Variants in LRRC37A2 observed in about 807,000 individuals in gnomAD.
LRRC37A2 encodes the protein leucine-rich repeat-containing protein 37A2.
In LRRC37A2, 9 loss-of-function variants were observed where a neutral mutation model predicts 68.8. The observed-to-expected ratio is 0.13, with a 90% CI of 0.08 to 0.23. The LOEUF is 0.23. LRRC37A2 is among the 10% of genes least tolerant of loss of function. LRRC37A2 has a pLI of 1.00. For synonymous variants in LRRC37A2, 63 were observed against 367.6 expected (o/e 0.17, Z 9.48); for missense variants, 168 against 950.4 (o/e 0.18, Z 10.82).
At chr17:46,541,668 G>T (rs2039355787) in intron 8 of LRRC37A2, among the ~76,000 whole-genome samples, 1 of 150,794 alleles carries the variant, frequency 6.6e-6, no homozygotes, top group African/African-American at 2.5e-5. Flanking sequence ...AACCATGGAT[G>T]GGGAATATTT....
chr17:46,905,291 G>C, the LRRC37A2 span, among the ~76,000 whole-genome samples: 1 of 152,058 alleles, frequency 6.6e-6, no homozygotes, highest in Non-Finnish European at 1.5e-5. Context: ...GGCCAGGCTG[G>C]TCTCGAACTC....
At chr17:46,974,451 T>G in the LRRC37A2 span, among the ~76,000 whole-genome samples, 1 of 152,134 alleles carries the variant, frequency 6.6e-6, no homozygotes, top group South Asian at 2.1e-4. Context: ...GGAGGTCATC[T>G]CCGCCGGGCG....
upstream of LRRC37A2, among the ~76,000 whole-genome samples, chr17:46,509,910 GA>G (rs1046984804): frequency 1.1e-3 from 50 of 46,728 alleles, no homozygotes; most frequent in Non-Finnish European, 1.2e-3. Context: ...CTCTCTCGAG[GA>G]AAAAAAAAAA....
At chr17:46,703,698 A>AAAAAAAAAAAAAAAAAAG in the LRRC37A2 span, among the ~76,000 whole-genome samples, 1 of 149,718 alleles carries the variant, frequency 6.7e-6, no homozygotes, top group African/African-American at 2.5e-5. Context: ...AAAAAAAAAA[A>AAAAAAAAAAAAAAAAAAG]AAAAAACAAA....
chr17:46,760,633 C>CA, the LRRC37A2 span, among the ~76,000 whole-genome samples: 1,047 of 60,822 alleles, frequency 0.017, 7 homozygotes, highest in African/African-American at 0.036. Context: ...GACCCTATCT[C>CA]AAAAAAAAAA....
At chr17:46,721,645 A>G in the LRRC37A2 span, 1 of 1,597,388 alleles carries the variant, frequency 6.3e-7, no homozygotes. Context: ...TATAGACACC[A>G]GAAAAAGTTT....
At chr17:46,939,423 TG>T in the LRRC37A2 span, 1 of 993,262 alleles carries the variant, frequency 1.0e-6, no homozygotes, top group Non-Finnish European at 1.2e-6. Context: ...GTGAGGCCAG[TG>T]TTATTTCCCG....
the LRRC37A2 span, among the ~76,000 whole-genome samples, chr17:46,729,428 G>C: frequency 6.6e-6 from 1 of 152,168 alleles, no homozygotes; most frequent in Admixed American, 6.6e-5. Context: ...CACTTTTGAG[G>C]AGTGAATTTA....
chr17:46,939,308 TCACCATTCCCTG>T, the LRRC37A2 span: 1 of 1,013,300 alleles, frequency 9.9e-7, no homozygotes, highest in Non-Finnish European at 1.2e-6. Flanking sequence ...CCAATACTTG[TCACCATTCCCTG>T]GAAGCAGCTA....
chr17:46,778,831 G>A, the LRRC37A2 span, among the ~76,000 whole-genome samples: 2 of 152,064 alleles, frequency 1.3e-5, no homozygotes, highest in East Asian at 1.9e-4. Context: ...ACCATCCTTT[G>A]AAACCTGATT....
At chr17:46,940,129 C>T in the LRRC37A2 span, 2 of 1,237,892 alleles carry the variant, frequency 1.6e-6, no homozygotes, top group African/African-American at 1.5e-5. Context: ...TCTCTTGTTC[C>T]CCTCCCCGCT....
chr17:46,751,624 A>G, the LRRC37A2 span: 1 of 1,572,732 alleles, frequency 6.4e-7, no homozygotes, highest in South Asian at 1.1e-5. Context: ...CAGGTAAGGT[A>G]CTTCGTTCTC....
the LRRC37A2 span, chr17:46,978,857 C>T: frequency 6.3e-7 from 1 of 1,587,086 alleles, no homozygotes; most frequent in Non-Finnish European, 8.6e-7. Context: ...CCCGCGGGGA[C>T]CCCGTCGCTG....
chr17:46,499,422 A>G, the LRRC37A2 span, among the ~76,000 whole-genome samples: 1 of 150,370 alleles, frequency 6.7e-6, no homozygotes, highest in African/African-American at 2.5e-5. Flanking sequence ...CTGAAAACGC[A>G]GGAGTCAACT....
chr17:46,893,071 T>C, the LRRC37A2 span, among the ~76,000 whole-genome samples: 2 of 152,070 alleles, frequency 1.3e-5, no homozygotes, highest in Non-Finnish European at 2.9e-5. Context: ...GTAGCCGGGA[T>C]TACAGAAGCA....
the LRRC37A2 span, among the ~76,000 whole-genome samples, chr17:47,014,542 C>T: frequency 1.2e-3 from 187 of 152,014 alleles, 1 homozygote; most frequent in African/African-American, 4.5e-3. Flanking sequence ...TTTCTGAGTG[C>T]AGGGTATTTC....
chr17:47,007,650 C>T, the LRRC37A2 span, among the ~76,000 whole-genome samples: 1 of 152,238 alleles, frequency 6.6e-6, no homozygotes, highest in South Asian at 2.1e-4. Context: ...ATGTTAGTAT[C>T]ACGTGTAGGA....
At chr17:46,848,155 C>G in the LRRC37A2 span, among the ~76,000 whole-genome samples, 1 of 152,100 alleles carries the variant, frequency 6.6e-6, no homozygotes, top group African/African-American at 2.4e-5. Context: ...TGTGGGGCTG[C>G]CCAGGAATGT....
At chr17:46,857,719 A>G in the LRRC37A2 span, among the ~76,000 whole-genome samples, 7 of 152,294 alleles carry the variant, frequency 4.6e-5, no homozygotes, top group East Asian at 1.3e-3. Flanking sequence ...CAGTTGCTCC[A>G]TATTCTATGG....
Sources: gnomAD v4.1 joint callset for allele counts (sites outside exome capture counted in the v4.1 genomes callset) on GRCh38, gnomAD v4.1.1 for gene constraint, MANE v1.5 for transcripts, NCBI Gene and HGNC (gene_info 2026-07-23, HGNC 2026-07-21) for gene names.